Variants in CPA6 observed in about 807,000 individuals in gnomAD.
CPA6 encodes carboxypeptidase B.
Under a neutral mutation model 63.3 loss-of-function variants are expected in CPA6, and 58 were observed. The ratio of observed to expected loss-of-function variants is 0.92; its 90% confidence interval spans 0.74 to 1.14. The LOEUF (loss-of-function observed/expected upper bound fraction) is 1.14. Ranked by LOEUF, CPA6 falls within the 50% of genes most tolerant of loss-of-function variation. The pLI is 0.00. For missense variants in CPA6, 565 were observed against 526.6 expected (o/e 1.07, Z -0.71); for synonymous variants, 185 against 179.0 (o/e 1.03, Z -0.27).
At chr8:67,508,736 G>T (rs1811982911) in intron 5 of CPA6, among the ~76,000 whole-genome samples, 1 of 152,034 alleles carries the variant, frequency 6.6e-6, no homozygotes, top group Non-Finnish European at 1.5e-5. Context: ...TAGAGATGAT[G>T]ATTAGAGGTA....
chr8:67,526,534 G>A (rs1372842672), intron 2 of CPA6, among the ~76,000 whole-genome samples: 2 of 152,112 alleles, frequency 1.3e-5, no homozygotes, highest in Non-Finnish European at 2.9e-5. Flanking sequence ...CCTCCTAGGA[G>A]TACCAAAGTT....
At chr8:67,670,062 A>G (rs529870923) in intron 1 of CPA6, among the ~76,000 whole-genome samples, 1 of 152,338 alleles carries the variant, frequency 6.6e-6, no homozygotes, top group South Asian at 2.1e-4. Context: ...CACTCCTTTG[A>G]GAGGTGTAAA....
At chr8:67,472,272 G>C (rs914810728) in intron 8 of CPA6, among the ~76,000 whole-genome samples, 56 of 150,130 alleles carry the variant, frequency 3.7e-4, no homozygotes, top group African/African-American at 1.2e-3. Flanking sequence ...AGAGCCAAGG[G>C]AGTAATTCTG....
intron 8 of CPA6, among the ~76,000 whole-genome samples, chr8:67,460,168 A>G (rs1001379603): frequency 6.6e-6 from 1 of 152,254 alleles, no homozygotes; most frequent in African/African-American, 2.4e-5. Context: ...CTAGACTATT[A>G]GTTCCTAAGA....
At position 67,476,566 on chromosome 8, in the gene CPA6, T is replaced by TTG. The variant is rs1554666672; in HGVS notation, c.838+7201_838+7202insCA. Among the ~76,000 whole-genome samples the TTG allele has an allele frequency of 5.1e-3, 765 of 150,192 alleles. 6 individuals carry two copies. The highest frequency in any genetic ancestry group is 0.018 in the African/African-American group (703 of 40,158). The stretch of plus-strand genomic sequence containing the variant: ...CTCTCTCTCTCTCTTTTTTTTTTTT[T>TTG]GTCTATTTCATTTTGGATAAAACAG... On this transcript the variant is annotated intron_variant, in intron 8 of 10. Coordinates refer to ENST00000297770, the MANE Select transcript of CPA6 (RefSeq NM_020361.5).
chr8:67,475,867 CTTTCTTTCTTTCTCCTTTCTTT>C (rs1563967872), intron 8 of CPA6, among the ~76,000 whole-genome samples: 107 of 83,278 alleles, frequency 1.3e-3, no homozygotes, highest in South Asian at 2.2e-3. Flanking sequence ...TTCTTTCTTT[CTTTCTTTCTTTCTCCTTTCTTT>C]CTTTCTTTCT....
intron 2 of CPA6, among the ~76,000 whole-genome samples, chr8:67,548,219 T>C (rs1475314425): frequency 7.7e-6 from 1 of 130,578 alleles, no homozygotes; most frequent in Admixed American, 8.0e-5. Context: ...CTTCCCCTCT[T>C]CTCTCCTCCC....
chr8:67,681,700 A>G (rs958781668), intron 1 of CPA6, among the ~76,000 whole-genome samples: 3 of 152,164 alleles, frequency 2.0e-5, no homozygotes, highest in African/African-American at 7.2e-5. Context: ...ACCTTAGAGA[A>G]GAATCAATTG....
chr8:67,723,849 T>C (rs930205222), intron 1 of CPA6, among the ~76,000 whole-genome samples: 6 of 152,176 alleles, frequency 3.9e-5, no homozygotes, highest in African/African-American at 1.4e-4. Flanking sequence ...GAGCAATATT[T>C]GACATTTTTA....
chr8:67,717,772 G>A lies in CPA6; in HGVS notation c.116+28242C>T, dbSNP rs376848867. Reference sequence around the variant, plus strand: ...CCCTGGAGTGTCCTAGTGGGCCTTCGGTGCAATTGCTAGTGAGATTTGATA... The same window carrying A: ...CCCTGGAGTGTCCTAGTGGGCCTTCAGTGCAATTGCTAGTGAGATTTGATA... On this transcript the variant is annotated intron_variant, in intron 1 of 10. Transcript: ENST00000297770. Among the ~76,000 whole-genome samples the A allele has an allele frequency of 3.2e-4, 48 of 152,228 alleles. No individual in the cohort carries two copies. The South Asian group carries it at 9.5e-3, about 30-fold the overall frequency.
Position 67,519,008 on chromosome 8 carries a change from C to T in CPA6, c.193-961G>A, listed in dbSNP as rs143301537. Among the ~76,000 whole-genome samples, 420 of 152,240 alleles carry T rather than the reference C, an allele frequency of 2.8e-3. 6 individuals are homozygous for T. The highest frequency in any genetic ancestry group is 9.3e-3 in the African/African-American group (385 of 41,554). On this transcript the variant is annotated intron_variant, in intron 2 of 10. Transcript: ENST00000297770. ...CTTCCTCTTGCCAGAATGTAAGCTC[C>T]GGGAGGGCAAAGCGTTTGCCCATTT...
intron 8 of CPA6, among the ~76,000 whole-genome samples, chr8:67,446,122 C>T (rs527558033): frequency 2.6e-5 from 4 of 151,982 alleles, no homozygotes; most frequent in African/African-American, 7.2e-5. Flanking sequence ...AAAAATTAGC[C>T]GGGCGTGGTG....
In CPA6 at chr8:67,422,477, G is replaced by A. The variant is rs1007927071; in HGVS notation, c.*27C>T. ...AAGTAGGCCTTGCTCAGAATCCTAT[G>A]GCAGTTGACCTGAGCCTTGGGCTGT... On this transcript the variant is annotated 3_prime_UTR_variant, in exon 11 of 11. Transcript: ENST00000297770. The A allele has an allele frequency of 2.5e-6, 4 of 1,597,134 alleles. No homozygotes were observed. The Admixed American group carries it at 5.1e-5, about 20-fold the overall frequency.
intron 3 of CPA6, among the ~76,000 whole-genome samples, chr8:67,514,060 C>A (rs768823754): frequency 6.6e-6 from 1 of 151,732 alleles, no homozygotes; most frequent in African/African-American, 2.4e-5. Context: ...CAAGTTCAAG[C>A]GATTCTCATG....
At chr8:67,639,884 G>T (rs1328204017) in intron 1 of CPA6, among the ~76,000 whole-genome samples, 1 of 151,382 alleles carries the variant, frequency 6.6e-6, no homozygotes, top group Admixed American at 6.6e-5. Flanking sequence ...ACCTATAGTG[G>T]GTAGTTCCTC....
chr8:67,515,989 C>T (rs1812137150), intron 3 of CPA6, among the ~76,000 whole-genome samples: 1 of 152,172 alleles, frequency 6.6e-6, no homozygotes. Flanking sequence ...CCTAGATGCT[C>T]CTGCCTTCCA....
chr8:67,524,839 C>A (rs942796719), intron 2 of CPA6, among the ~76,000 whole-genome samples: 1 of 152,124 alleles, frequency 6.6e-6, no homozygotes, highest in Non-Finnish European at 1.5e-5. Context: ...TTTCCCCTTA[C>A]CATGGAATTG....
chr8:67,739,398 G>A (rs1158996123), intron 1 of CPA6, among the ~76,000 whole-genome samples: 1 of 152,226 alleles, frequency 6.6e-6, no homozygotes, highest in Non-Finnish European at 1.5e-5. Context: ...AGGGGCAAGA[G>A]CTAGAAGGAA....
At chr8:67,456,139 A>G (rs1300038864) in intron 8 of CPA6, among the ~76,000 whole-genome samples, 2 of 152,224 alleles carry the variant, frequency 1.3e-5, no homozygotes, top group Non-Finnish European at 2.9e-5. Context: ...AGATCTGAGG[A>G]CAAAATTTAG....
Sources: gnomAD v4.1 joint callset for allele counts (sites outside exome capture counted in the v4.1 genomes callset) on GRCh38, gnomAD v4.1.1 for gene constraint, MANE v1.5 for transcripts, NCBI Gene and HGNC (gene_info 2026-07-23, HGNC 2026-07-21) for gene names.